The following TENM2 variants were observed in gnomAD, a reference collection of about 807,000 sequenced individuals.
TENM2 encodes the protein teneurin transmembrane protein 2.
In TENM2, 52 loss-of-function variants were observed where a neutral mutation model predicts 245.2. That is an observed-to-expected ratio of 0.21 (90% CI 0.17 to 0.27). TENM2 has a LOEUF of 0.27. Ranked by LOEUF, TENM2 falls within the 10% of genes least tolerant of loss-of-function variation. TENM2 has a pLI of 1.00. For synonymous variants in TENM2, 1,363 were observed against 1,438.9 expected, an observed-to-expected ratio of 0.95 and a Z score of 1.19; for missense variants, 3,046 against 3,666.8, an observed-to-expected ratio of 0.83 and a Z score of 4.37.
chr5:167,776,182 C>CACACACACACAT (rs1266059003), intron 2 of TENM2, among the ~76,000 whole-genome samples: 7 of 150,044 alleles, frequency 4.7e-5, no homozygotes, highest in African/African-American at 1.7e-4. Context: ...CACACACACA[C>CACACACACACAT]ACACACACAG....
the TENM2 span, among the ~76,000 whole-genome samples, chr5:167,153,532 G>A: frequency 1.3e-5 from 2 of 152,004 alleles, no homozygotes; most frequent in Admixed American, 1.3e-4. Context: ...GGGGAGACAC[G>A]AGAGGGCAGG....
chr5:167,876,195 G>A lies in TENM2; in HGVS notation c.712G>A (p.Gly238Ser), dbSNP rs1773410866. ...AGGGCCCCAGCAAGCCTCCAGCAGT[G>A]GTAAGGAAACTCCGTGGTGTCTGAA... Residue 238 changes from glycine to serine, a missense_variant and splice_region_variant, in exon 3 of 29, where the codon GGC becomes AGC. Physicochemically the swap from Gly to Ser is moderately conservative, Grantham distance 56 (BLOSUM62 0). Transcript: ENST00000518659. The A allele has an allele frequency of 3.2e-6, 5 of 1,550,176 alleles. No individual in the cohort carries two copies. In the East Asian group the frequency reaches 1.2e-4, roughly 38 times the overall value.
chr5:167,116,963 G>C, the TENM2 span, among the ~76,000 whole-genome samples: 1 of 152,184 alleles, frequency 6.6e-6, no homozygotes, highest in African/African-American at 2.4e-5. Context: ...TGATGAATCA[G>C]TTTTCGTTAT....
chr5:167,961,334 G>A (rs1275206747), intron 4 of TENM2, among the ~76,000 whole-genome samples: 1 of 152,164 alleles, frequency 6.6e-6, no homozygotes, highest in Non-Finnish European at 1.5e-5. Context: ...GCTTAACTCA[G>A]GATATTGTCA....
At chr5:167,235,870 T>A in the TENM2 span, among the ~76,000 whole-genome samples, 1 of 152,222 alleles carries the variant, frequency 6.6e-6, no homozygotes, top group Non-Finnish European at 1.5e-5. Context: ...ACATGGTCCC[T>A]GAGTCAGCAG....
chr5:168,084,183 C>T (rs1562137928), intron 7 of TENM2, among the ~76,000 whole-genome samples: 1 of 152,188 alleles, frequency 6.6e-6, no homozygotes, highest in Non-Finnish European at 1.5e-5. Flanking sequence ...AGGTTGATCC[C>T]ATCTTTACTA....
chr5:167,206,198 C>T, the TENM2 span, among the ~76,000 whole-genome samples: 9 of 152,180 alleles, frequency 5.9e-5, no homozygotes, highest in Admixed American at 5.2e-4. Context: ...CAACTTTATC[C>T]TGTTCAAAAC....
chr5:168,188,798 G>C (rs1018831142), intron 13 of TENM2, among the ~76,000 whole-genome samples: 1 of 151,864 alleles, frequency 6.6e-6, no homozygotes, highest in Non-Finnish European at 1.5e-5. Context: ...TCCCTGGGGA[G>C]ATGTGGGGTG....
the TENM2 span, among the ~76,000 whole-genome samples, chr5:167,104,485 A>G: frequency 6.6e-6 from 1 of 152,234 alleles, no homozygotes; most frequent in Non-Finnish European, 1.5e-5. Flanking sequence ...CAATAATTGA[A>G]TTACCAACAT....
intron 2 of TENM2, among the ~76,000 whole-genome samples, chr5:167,479,621 G>A (rs1230879865): frequency 6.6e-6 from 1 of 152,046 alleles, no homozygotes; most frequent in African/African-American, 2.4e-5. Flanking sequence ...AAGGAAAAAT[G>A]GGCCCTTTAC....
chr5:167,904,781 G>A (rs1775959632), intron 3 of TENM2, among the ~76,000 whole-genome samples: 1 of 152,086 alleles, frequency 6.6e-6, no homozygotes, highest in East Asian at 1.9e-4. Context: ...CATAAGGAGG[G>A]TGACCAACGC....
chr5:168,262,066 A>G (rs771003988), exon 29 of TENM2: 9 of 1,613,888 alleles, frequency 5.6e-6, no homozygotes, highest in Non-Finnish European at 5.9e-6. Context: ...CAGGTGTCCA[A>G]CAGACAACAG....
the TENM2 span, among the ~76,000 whole-genome samples, chr5:167,085,132 C>T: frequency 6.6e-6 from 1 of 152,116 alleles, no homozygotes; most frequent in Non-Finnish European, 1.5e-5. Context: ...CATGAAAGCT[C>T]AACATAAATT....
chr5:167,057,672 G>A, the TENM2 span, among the ~76,000 whole-genome samples: 1 of 152,166 alleles, frequency 6.6e-6, no homozygotes, highest in African/African-American at 2.4e-5. Context: ...CTTAGCACAG[G>A]TAGGTTAGGT....
chr5:167,442,787 T>TAA (rs914641015), intron 2 of TENM2, among the ~76,000 whole-genome samples: 1 of 152,154 alleles, frequency 6.6e-6, no homozygotes, highest in Non-Finnish European at 1.5e-5. Context: ...TTCAGTAGGT[T>TAA]AAAAAATTGC....
intron 4 of TENM2, among the ~76,000 whole-genome samples, chr5:167,983,607 G>A (rs1283675781): frequency 2.6e-5 from 4 of 152,222 alleles, no homozygotes; most frequent in Non-Finnish European, 4.4e-5. Flanking sequence ...TTGAGTCGAA[G>A]CTTAGGGAAC....
intron 3 of TENM2, among the ~76,000 whole-genome samples, chr5:167,913,662 C>T (rs1401521919): frequency 6.6e-6 from 1 of 152,148 alleles, no homozygotes. Flanking sequence ...TCTCCTGATG[C>T]TTTTATAGAC....
At position 167,532,288 on chromosome 5, in the gene TENM2, GCTCTCT is replaced by G. The variant is rs201584195; in HGVS notation, c.502+156830_502+156835del. ...ATATATACAACTCTCTGTCATGCAT[GCTCTCT>G]CTCTCTCTCTCTCTTTTTATATATA... On this transcript the variant is annotated intron_variant, in intron 2 of 28. Coordinates refer to ENST00000518659, the Ensembl canonical transcript of TENM2. Among the ~76,000 whole-genome samples, 17 of 148,968 alleles carry G rather than the reference GCTCTCT, an allele frequency of 1.1e-4. No homozygotes were observed. The South Asian group carries it at 2.6e-3, about 23-fold the overall frequency.
intron 2 of TENM2, among the ~76,000 whole-genome samples, chr5:167,705,332 A>T (rs750443659): frequency 6.6e-6 from 1 of 152,192 alleles, no homozygotes; most frequent in Non-Finnish European, 1.5e-5. Context: ...CAAAATAATT[A>T]TCAAGATCTT....
Sources: allele counts gnomAD v4.1 joint callset (sites outside exome capture counted in the v4.1 genomes callset), GRCh38; gene constraint gnomAD v4.1.1; transcripts MANE v1.5; gene names NCBI Gene and HGNC (gene_info 2026-07-23, HGNC 2026-07-21).